TAF1: variants seen among roughly 807,000 people sequenced by gnomAD.
TAF1 encodes transcription initiation factor TFIID subunit 1.
In TAF1, 2 loss-of-function variants were observed where a neutral mutation model predicts 138.5. The ratio of observed to expected loss-of-function variants is 0.01; its 90% confidence interval spans 0.01 to 0.05. The LOEUF (loss-of-function observed/expected upper bound fraction) is 0.05, where lower values mean the gene tolerates loss of function less well. Among genes scored for constraint, TAF1 ranks in the 10% least tolerant of loss-of-function variants. TAF1 has a pLI of 1.00. For synonymous variants in TAF1, 437 were observed against 503.2 expected, an observed-to-expected ratio of 0.87 and a Z score of 1.76; for missense variants, 709 against 1,478.0, an observed-to-expected ratio of 0.48 and a Z score of 8.53.
intron 26 of TAF1, 53 bp downstream of exon 26, chrX:71,406,799 A>G: frequency 9.9e-7 from 1 of 1,014,599 alleles, no homozygotes; most frequent in Non-Finnish European, 1.4e-6. Flanking sequence ...TTGATTCCCC[A>G]GCCCTGTATG....
intron 13 of TAF1, among the ~76,000 whole-genome samples, chrX:71,483,774 C>CTATA (rs1214664557): frequency 1.9e-3 from 136 of 70,316 alleles, no homozygotes; most frequent in Middle Eastern, 7.4e-3. Context: ...CTCTCTCTCT[C>CTATA]TCTCTCTATA....
At chrX:71,452,229 C>G in intron 32 of TAF1, among the ~76,000 whole-genome samples, 1 of 105,333 alleles carries the variant, frequency 9.5e-6, no homozygotes, top group African/African-American at 3.5e-5. Flanking sequence ...CCAGACGGGG[C>G]GGCTGCCGGG....
In TAF1 at chrX:71,440,046, G is replaced by A. The variant is rs756405471; in HGVS notation, c.4754-14124G>A. On this transcript the variant is annotated intron_variant, in intron 32 of 37. Transcript: ENST00000423759. ...ACCACCACAATCAAGACTTAGAACT[G>A]TTACCATAAAGGAACTCCCTGTTCT... 1.9e-4 allele frequency among the ~76,000 whole-genome samples: 21 copies of A among 111,227 alleles called. No individual in the cohort carries two copies. The East Asian group carries it at 5.6e-3, about 30-fold the overall frequency.
chrX:71,421,586 G>T (rs1435657567), intron 29 of TAF1, among the ~76,000 whole-genome samples: 1 of 111,784 alleles, frequency 8.9e-6, no homozygotes, highest in African/African-American at 3.2e-5. Context: ...AAAAGTATTT[G>T]CTCTGGACAT....
intron 37 of TAF1, among the ~76,000 whole-genome samples, chrX:71,462,453 TCCC>T (rs1165918298): frequency 5.8e-4 from 64 of 110,227 alleles, no homozygotes; most frequent in Non-Finnish European, 1.1e-3. Context: ...ACACCTGTAG[TCCC>T]AGCTACTCAG....
chrX:71,403,915 T>C (rs1479074661), intron 25 of TAF1, among the ~76,000 whole-genome samples: 2 of 108,469 alleles, frequency 1.8e-5, no homozygotes, highest in African/African-American at 3.4e-5. Context: ...TTTTTTCTTT[T>C]TTTTTTTTTT....
intron 24 of TAF1, among the ~76,000 whole-genome samples, chrX:71,401,089 C>G (rs2035150528): frequency 8.9e-6 from 1 of 112,312 alleles, no homozygotes; most frequent in Non-Finnish European, 1.9e-5. Context: ...GAGTGGAAAT[C>G]TTCTCTTTAT....
In TAF1 at chrX:71,382,402, G is replaced by C. The variant is rs28382163; in HGVS notation, c.1538-134G>C. ...TCGTGGACTAGAAGTTACCTGGGGGGGGGTGGGATGAAAGGTCTAGTTAAG... is the reference window on the plus strand; with the variant it reads ...TCGTGGACTAGAAGTTACCTGGGGGCGGGTGGGATGAAAGGTCTAGTTAAG... On this transcript the variant is annotated intron_variant, in intron 9 of 37. Transcript: ENST00000423759. 8,376 of 863,970 alleles carry C rather than the reference G, an allele frequency of 9.7e-3. 970 individuals are homozygous for C. In the Admixed American group the frequency reaches 0.27, roughly 28 times the overall value. 71.2% of individuals were successfully genotyped at this position (863,970 alleles called of 1,213,427 possible). A position where few individuals can be genotyped will look rare whatever the true frequency, so the allele number is the denominator to read the frequency against.
chrX:71,444,843 C>T (rs948529408), intron 32 of TAF1, among the ~76,000 whole-genome samples: 2 of 110,657 alleles, frequency 1.8e-5, no homozygotes, highest in East Asian at 5.7e-4. Context: ...ATGCCATTCT[C>T]CTGCCTCAGC....
chrX:71,448,855 G>T (rs1396147838), intron 32 of TAF1, among the ~76,000 whole-genome samples: 3 of 87,617 alleles, frequency 3.4e-5, no homozygotes, highest in Non-Finnish European at 2.2e-5. Flanking sequence ...TTTCGCTCTT[G>T]TTGCCCAGGC....
chrX:71,448,903 C>T (rs2148769841), intron 32 of TAF1, among the ~76,000 whole-genome samples: 1 of 109,229 alleles, frequency 9.2e-6, no homozygotes, highest in East Asian at 2.9e-4. Context: ...ACCACAACCT[C>T]TGCCTCCTGG....
chrX:71,526,232 A>G (rs1452166884), intron 13 of TAF1, among the ~76,000 whole-genome samples: 1 of 112,153 alleles, frequency 8.9e-6, no homozygotes, highest in Non-Finnish European at 1.9e-5. Context: ...CAATTGTACA[A>G]TCAAGTTCTA....
At chrX:71,488,495 A>C (rs1379019315) in intron 13 of TAF1, among the ~76,000 whole-genome samples, 3 of 108,613 alleles carry the variant, frequency 2.8e-5, no homozygotes, top group African/African-American at 1.0e-4. Context: ...CACCCACCTC[A>C]GCCTCCCAAA....
At chrX:71,449,009 G>A (rs1438362815) in intron 32 of TAF1, among the ~76,000 whole-genome samples, 3 of 100,910 alleles carry the variant, frequency 3.0e-5, no homozygotes, top group Non-Finnish European at 4.0e-5. Context: ...TTATTTTTTT[G>A]TTTTGTTTTG....
chrX:71,482,107 T>C (rs1417144144), intron 13 of TAF1, among the ~76,000 whole-genome samples: 2 of 111,737 alleles, frequency 1.8e-5, no homozygotes, highest in Non-Finnish European at 3.8e-5. Flanking sequence ...GGATGGCTGC[T>C]TTAGTTCTAG....
chrX:71,395,740 A>G, intron 22 of TAF1, among the ~76,000 whole-genome samples: 1 of 111,523 alleles, frequency 9.0e-6, no homozygotes, highest in East Asian at 2.8e-4. Flanking sequence ...TAAAAATGTG[A>G]TATAGCCCTT....
intron 18 of TAF1, among the ~76,000 whole-genome samples, chrX:71,391,915 C>A (rs999506048): frequency 4.5e-5 from 5 of 111,035 alleles, no homozygotes; most frequent in African/African-American, 1.6e-4. Flanking sequence ...GTGTGAGTCA[C>A]CACACCTGGC....
intron 32 of TAF1, among the ~76,000 whole-genome samples, chrX:71,434,706 G>C (rs1212533428): frequency 4.5e-5 from 5 of 112,017 alleles, no homozygotes; most frequent in African/African-American, 6.5e-5. Context: ...CAGCTGCCAC[G>C]TAAGTACTAG....
intron 1 of TAF1, 145 bp from the exon 2 acceptor site, chrX:71,367,354 C>A: frequency 1.5e-6 from 1 of 656,118 alleles, no homozygotes; most frequent in Non-Finnish European, 2.4e-6. Context: ...TATTACAGTT[C>A]TCGAACGTGT....
Sources: allele counts gnomAD v4.1 joint callset (sites outside exome capture counted in the v4.1 genomes callset), GRCh38; gene constraint gnomAD v4.1.1; transcripts MANE v1.5; gene names NCBI Gene and HGNC (gene_info 2026-07-23, HGNC 2026-07-21).